Variants in CLVS1 observed in about 807,000 individuals in gnomAD.
CLVS1 encodes clavesin 1, also known as clavesin-1.
In CLVS1, 10 loss-of-function variants were observed where a neutral mutation model predicts 33.1. The ratio of observed to expected loss-of-function variants is 0.30; its 90% CI spans 0.19 to 0.51. CLVS1 has a LOEUF of 0.51. CLVS1 is among the 20% of genes least tolerant of loss of function. The pLI, the probability that CLVS1 is intolerant of heterozygous loss-of-function variation, is 0.97. For synonymous variants in CLVS1, 163 were observed against 166.1 expected, an observed-to-expected ratio of 0.98 and a Z score of 0.14; for missense variants, 343 against 433.4, an observed-to-expected ratio of 0.79 and a Z score of 1.85.
intron 1 of CLVS1, 59 bp from the exon 2 acceptor site, chr8:61,299,618 G>A: frequency 1.8e-6 from 1 of 545,080 alleles, no homozygotes; most frequent in Non-Finnish European, 3.2e-6. Flanking sequence ...CAATTAATTT[G>A]CCCAGACTTT....
At chr8:61,480,581 C>A (rs529668094) in intron 5 of CLVS1, among the ~76,000 whole-genome samples, 1 of 152,136 alleles carries the variant, frequency 6.6e-6, no homozygotes, top group East Asian at 1.9e-4. Flanking sequence ...GTGTGCTGCA[C>A]CCACTGTCCT....
intron 1 of CLVS1, among the ~76,000 whole-genome samples, chr8:61,293,573 T>C (rs1810076776): frequency 6.6e-6 from 1 of 152,198 alleles, no homozygotes; most frequent in Non-Finnish European, 1.5e-5. Flanking sequence ...TTGGTCACTA[T>C]GATTTTCAGT....
chr8:61,192,250 A>G (rs1458391648), intron 2 of CLVS1, among the ~76,000 whole-genome samples: 1 of 152,242 alleles, frequency 6.6e-6, no homozygotes, highest in Non-Finnish European at 1.5e-5. Context: ...GATCTTTGAC[A>G]AACTGGACAA....
At chr8:61,439,766 A>C (rs1816472073) in intron 3 of CLVS1, among the ~76,000 whole-genome samples, 1 of 151,916 alleles carries the variant, frequency 6.6e-6, no homozygotes, top group African/African-American at 2.4e-5. Flanking sequence ...TTTTTCACCT[A>C]TCACTTCCCT....
rs2129302464 is a variant in CLVS1, at chr8:61,190,131, C to G, written c.-152+58271C>G. Among the ~76,000 whole-genome samples the G allele has an allele frequency of 1.3e-5, 2 of 152,318 alleles. 1 individual carries two copies. Among genetic ancestry groups the G allele is most frequent in the South Asian group, 4.1e-4 (2 of 4,824 alleles). On this transcript the variant is annotated intron_variant, in intron 2 of 2. Coordinates refer to the CLVS1 transcript ENST00000522621. ...TGACCACATAGTTGGAAGTAAAGCACTCCTCAGCGAATATAAAAGAAGAGA... is the reference window on the plus strand; with the variant it reads ...TGACCACATAGTTGGAAGTAAAGCAGTCCTCAGCGAATATAAAAGAAGAGA...
chr8:61,367,022 C>A (rs537312008), intron 2 of CLVS1, among the ~76,000 whole-genome samples: 2 of 152,236 alleles, frequency 1.3e-5, no homozygotes, highest in East Asian at 3.9e-4. Context: ...TCAGTCCTTC[C>A]TCTCTTCACA....
intron 5 of CLVS1, among the ~76,000 whole-genome samples, chr8:61,492,187 C>T (rs921961027): frequency 6.6e-6 from 1 of 152,168 alleles, no homozygotes; most frequent in Admixed American, 6.5e-5. Context: ...AAACGTGAGT[C>T]ACATATGTAA....
intron 2 of CLVS1, among the ~76,000 whole-genome samples, chr8:61,279,133 T>C (rs903806158): frequency 6.6e-6 from 1 of 152,192 alleles, no homozygotes; most frequent in African/African-American, 2.4e-5. Flanking sequence ...ATCTGAGGTA[T>C]AAAAAGACCT....
chr8:61,391,906 G>C (rs1221240939), intron 3 of CLVS1, among the ~76,000 whole-genome samples: 1 of 152,168 alleles, frequency 6.6e-6, no homozygotes, highest in African/African-American at 2.4e-5. Context: ...TCTTGATAGA[G>C]CTAAAACATG....
At chr8:61,154,475 A>G (rs1018631087) in intron 2 of CLVS1, among the ~76,000 whole-genome samples, 1 of 152,190 alleles carries the variant, frequency 6.6e-6, no homozygotes, top group Non-Finnish European at 1.5e-5. Flanking sequence ...TGGGAAGAAA[A>G]AAATGTTCTG....
chr8:61,340,217 T>C (rs1354566756), intron 2 of CLVS1, among the ~76,000 whole-genome samples: 2 of 152,220 alleles, frequency 1.3e-5, no homozygotes, highest in South Asian at 4.1e-4. Context: ...ACTCTTAAAA[T>C]CTACTTTCTT....
intron 3 of CLVS1, among the ~76,000 whole-genome samples, chr8:61,449,391 G>A (rs1485941175): frequency 1.3e-5 from 2 of 152,146 alleles, no homozygotes; most frequent in African/African-American, 4.8e-5. Context: ...TGTGAAATAG[G>A]GTCTCATTAT....
chr8:61,492,458 C>T (rs557029947), intron 5 of CLVS1, among the ~76,000 whole-genome samples: 6 of 152,126 alleles, frequency 3.9e-5, no homozygotes, highest in African/African-American at 7.2e-5. Flanking sequence ...GGCTGTATAC[C>T]GGACAGTGCA....
In CLVS1 at chr8:61,454,212, A is replaced by G. The variant is rs1394049811; in HGVS notation, c.702A>G (p.Thr234=). 3.1e-6 allele frequency: 5 copies of G among 1,613,992 alleles called. No homozygotes were observed. Among genetic ancestry groups the G allele is most frequent in the Non-Finnish European group, 8.5e-7 (1 of 1,179,940 alleles). Residue 234 remains threonine, a synonymous_variant, in exon 4 of 6, where the codon ACA becomes ACG. Transcript: ENST00000325897. ...NQPWYIHALY[T]LIKPFLKDKT... ...CCTGGTACATTCATGCCCTCTACACACTCATCAAGCCATTTCTTAAAGACA... is the reference window on the plus strand; with the variant it reads ...CCTGGTACATTCATGCCCTCTACACGCTCATCAAGCCATTTCTTAAAGACA...
At chr8:61,355,303 C>T (rs1812646748) in intron 2 of CLVS1, among the ~76,000 whole-genome samples, 1 of 151,660 alleles carries the variant, frequency 6.6e-6, no homozygotes, top group Non-Finnish European at 1.5e-5. Context: ...TTTTTTTACA[C>T]CATAAATATA....
chr8:61,421,744 A>G (rs991278371), intron 3 of CLVS1, among the ~76,000 whole-genome samples: 1 of 152,218 alleles, frequency 6.6e-6, no homozygotes. Flanking sequence ...TTCTCTGGAA[A>G]TAAAACAATG....
At chr8:61,465,497 AT>A (rs759894292) in intron 5 of CLVS1, 12 of 152,096 alleles carry the variant, frequency 7.9e-5, no homozygotes, top group Non-Finnish European at 1.6e-4. Flanking sequence ...AAACAAAATA[AT>A]GATTGGTTTA....
Position 61,132,635 on chromosome 8 carries a change from G to T in CLVS1, c.-152+775G>T, listed in dbSNP as rs891768. Among the ~76,000 whole-genome samples, 378 of 152,318 alleles carry T rather than the reference G, an allele frequency of 2.5e-3. 3 individuals are homozygous for T. The highest frequency in any genetic ancestry group is 7.5e-3 in the African/African-American group (313 of 41,584). Reference sequence around the variant, plus strand: ...TGTGTGGCACAGTTCAGGGCTATTTGTTGGGTTTTACTAGAGAACAGCCTG... The same window carrying T: ...TGTGTGGCACAGTTCAGGGCTATTTTTTGGGTTTTACTAGAGAACAGCCTG... On this transcript the variant is annotated intron_variant, in intron 2 of 2. Transcript: ENST00000522621.
At chr8:61,330,258 T>C (rs1001426890) in intron 2 of CLVS1, among the ~76,000 whole-genome samples, 34 of 152,208 alleles carry the variant, frequency 2.2e-4, no homozygotes, top group African/African-American at 7.7e-4. Flanking sequence ...AGAAACCTCA[T>C]GGTAAAGAAA....
Sources: allele counts gnomAD v4.1 joint callset (sites outside exome capture counted in the v4.1 genomes callset), GRCh38; gene constraint gnomAD v4.1.1; transcripts MANE v1.5; gene names NCBI Gene and HGNC (gene_info 2026-07-23, HGNC 2026-07-21).